Variants in ZNF667 observed in about 807,000 individuals in gnomAD.
The protein encoded by ZNF667 is myocardial ischemic preconditioning upregulated 1 ortholog.
ZNF667 carries 13 observed loss-of-function variants against 31.8 expected under a neutral mutation model. The observed-to-expected ratio is 0.41, with a 90% CI of 0.27 to 0.65. The LOEUF (loss-of-function observed/expected upper bound fraction) is 0.65, where lower values mean the gene tolerates loss of function less well. Ranked by LOEUF, ZNF667 falls within the 30% of genes least tolerant of loss-of-function variation. The pLI is 0.32. For synonymous variants in ZNF667, 228 were observed against 247.1 expected, an observed-to-expected ratio of 0.92 and a Z score of 0.73; for missense variants, 642 against 725.6, an observed-to-expected ratio of 0.88 and a Z score of 1.32.
At chr19:56,462,527 GC>G (rs1192725167) in intron 3 of ZNF667, 98 bp from the exon 4 acceptor site, 1 of 764,188 alleles carries the variant, frequency 1.3e-6, no homozygotes, top group Non-Finnish European at 2.3e-6. Context: ...GCACACATAT[GC>G]ACGTGCACAC....
intron 4 of ZNF667, 53 bp from the exon 5 acceptor site, chr19:56,460,868 C>T: frequency 6.6e-7 from 1 of 1,515,032 alleles, no homozygotes; most frequent in Admixed American, 2.1e-5. Flanking sequence ...TTCCACATGG[C>T]TGGAGGAAAT....
chr19:56,459,703 T>C (rs2043004375), intron 5 of ZNF667, among the ~76,000 whole-genome samples: 1 of 145,342 alleles, frequency 6.9e-6, no homozygotes, highest in African/African-American at 2.5e-5. Flanking sequence ...TTAAATTCTA[T>C]CAAAAGAGGG....
upstream of ZNF667, chr19:56,477,574 C>A (rs1363183318): frequency 6.5e-6 from 1 of 152,718 alleles, no homozygotes; most frequent in African/African-American, 2.4e-5. Context: ...TGCGCACACC[C>A]CCGAGGCTGG....
rs1172689760 is a variant in ZNF667 at position 56,441,939 on chromosome 19, G to C, written c.1056C>G (p.His352Gln). The C allele has an allele frequency of 6.2e-7, 1 of 1,614,128 alleles. No homozygotes were observed. Among genetic ancestry groups the C allele is most frequent in the South Asian group, 1.1e-5 (1 of 91,072 alleles). Residue 352 changes from histidine (H) to glutamine (Q), a missense_variant, in exon 7 of 7, where the codon CAC becomes CAG. Transcript: ENST00000504904. The surrounding 1 kb of genome is among the most constrained non-coding windows in gnomAD (Gnocchi z 4.2). Reference protein sequence around the residue: ...ISPLMLHQRIHTSEKPYKCDK... With the variant: ...ISPLMLHQRIQTSEKPYKCDK... ...CACATTTGTACGGTTTCTCTGAAGT[G>C]TGAATTCTCTGGTGAAGCATCAGGG...
chr19:56,464,255 A>C (rs770394438), intron 3 of ZNF667, among the ~76,000 whole-genome samples: 5 of 152,256 alleles, frequency 3.3e-5, no homozygotes, highest in African/African-American at 1.2e-4. Context: ...CAATGCTTTG[A>C]GGCTGATGCA....
chr19:56,473,571 A>G (rs568289050), intron 2 of ZNF667, among the ~76,000 whole-genome samples: 175 of 152,330 alleles, frequency 1.1e-3, no homozygotes, highest in African/African-American at 4.0e-3. Flanking sequence ...CCCCTATGGG[A>G]AAACTGCAAT....
rs1349298696 is a variant in ZNF667 at position 56,442,415 on chromosome 19, G to C, written c.580C>G (p.His194Asp). 1 of 1,613,982 alleles carries C rather than the reference G, an allele frequency of 6.2e-7. No individual in the cohort carries two copies. Among genetic ancestry groups the C allele is most frequent in the African/African-American group, 1.3e-5 (1 of 74,928 alleles). ...CATTCATGGCTTTTCTTTCCACTGTGAATTCTCTGATGAAGTAGGATGGAT... is the reference window on the plus strand; with the variant it reads ...CATTCATGGCTTTTCTTTCCACTGTCAATTCTCTGATGAAGTAGGATGGAT... The part of the protein sequence containing the change: ...ISSILLHQRI[H>D]SGKKSHECNK... Residue 194 changes from histidine (H) to aspartate (D), a missense_variant, in exon 7 of 7, where the codon CAC (histidine) becomes GAC (aspartate). His to Asp is a moderately conservative substitution (Grantham distance 81). Transcript: ENST00000504904.
chr19:56,468,756 A>C (rs2043220854), intron 3 of ZNF667: 1 of 152,256 alleles, frequency 6.6e-6, no homozygotes, highest in Non-Finnish European at 1.5e-5. Flanking sequence ...TTATTTCTCA[A>C]TAGCACAATC....
In ZNF667 at chr19:56,460,805, G is replaced by A. The variant is rs2043030096; in HGVS notation, c.44C>T (p.Thr15Ile). Residue 15 changes from threonine to isoleucine, a missense_variant, in exon 5 of 7, where the codon ACA becomes ATA. By Grantham distance (89) the Thr-to-Ile change is moderately conservative. Transcript: ENST00000504904. ...RGKSKSKAPITFGDLAIYFSQ... is the reference protein window; with the variant it reads ...RGKSKSKAPIIFGDLAIYFSQ... ...GAAGTAGATGGCTAAGTCCCCAAAT[G>A]TTATAGGTGCCTGAAATGAAAAATC... 4 of 1,594,430 alleles carry A rather than the reference G, an allele frequency of 2.5e-6. No individual in the cohort carries two copies. The East Asian group carries it at 9.1e-5, about 36-fold the overall frequency.
chr19:56,453,246 A>C (rs1050361504), intron 6 of ZNF667, among the ~76,000 whole-genome samples: 1 of 152,156 alleles, frequency 6.6e-6, no homozygotes, highest in Non-Finnish European at 1.5e-5. Context: ...CCCAGCAAAG[A>C]AACACCCAGG....
chr19:56,476,177 G>C (rs994991068), intron 1 of ZNF667, among the ~76,000 whole-genome samples: 3 of 152,126 alleles, frequency 2.0e-5, no homozygotes, highest in Admixed American at 2.0e-4. Flanking sequence ...GTGAAACCAG[G>C]AGTCAACACC....
intron 6 of ZNF667, among the ~76,000 whole-genome samples, chr19:56,455,012 GC>G (rs2042903739): frequency 6.6e-6 from 1 of 152,050 alleles, no homozygotes; most frequent in African/African-American, 2.4e-5. Flanking sequence ...TAAAAAATGG[GC>G]AAAAGATCTG....
At position 56,442,256 on chromosome 19, in the gene ZNF667, G is replaced by T. The variant is rs750443644; in HGVS notation, c.739C>A (p.His247Asn). 4.3e-6 allele frequency: 7 copies of T among 1,614,000 alleles called. No individual in the cohort carries two copies. Among genetic ancestry groups the T allele is most frequent in the Non-Finnish European group, 5.9e-6 (7 of 1,180,018 alleles). Reference sequence around the variant, plus strand: ...CACTGGCAGACATTCCCAACAACATGAATTTTCTGATGTATATTGAAAGAC... The same window carrying T: ...CACTGGCAGACATTCCCAACAACATTAATTTTCTGATGTATATTGAAAGAC... ...CQSFNIHQKI[H>N]VVGNVCQCRK... Residue 247 changes from histidine (H) to asparagine (N), a missense_variant, in exon 7 of 7, where the codon CAT becomes AAT. Transcript: ENST00000504904.
intron 3 of ZNF667, chr19:56,470,111 C>T: frequency 2.3e-6 from 1 of 442,670 alleles, no homozygotes. Flanking sequence ...TCTTTACCTC[C>T]CTCCTTTACA....
chr19:56,458,877 G>A (rs2042988227), intron 5 of ZNF667, among the ~76,000 whole-genome samples: 1 of 152,196 alleles, frequency 6.6e-6, no homozygotes, highest in Non-Finnish European at 1.5e-5. Context: ...GCCTCCCTGA[G>A]TTCTGAAAGC....
At chr19:56,448,970 A>G (rs2042762894) in intron 6 of ZNF667, among the ~76,000 whole-genome samples, 1 of 152,178 alleles carries the variant, frequency 6.6e-6, no homozygotes, top group African/African-American at 2.4e-5. Context: ...AGAGACAGAG[A>G]GACTCCATTC....
At chr19:56,475,991 C>T (rs981989388) in intron 1 of ZNF667, 2 of 152,228 alleles carry the variant, frequency 1.3e-5, no homozygotes, top group Non-Finnish European at 2.9e-5. Context: ...TGTGGGACGC[C>T]TGCGGTTATT....
upstream of ZNF667, chr19:56,477,940 G>A (rs962038761): frequency 2.0e-5 from 3 of 152,550 alleles, no homozygotes; most frequent in African/African-American, 7.2e-5. Context: ...AGAAGGCTTG[G>A]GCTGCGCTGG....
chr19:56,460,702 G>T lies in ZNF667; in HGVS notation c.147C>A (p.Asn49Lys). The T allele has an allele frequency of 6.2e-7, 1 of 1,612,016 alleles. No individual in the cohort carries two copies. The highest frequency in any genetic ancestry group is 1.1e-5 in the South Asian group (1 of 90,676). ...YEDVMLENYRNLVSLGLSFRR... is the reference protein window; with the variant it reads ...YEDVMLENYRKLVSLGLSFRR... Reference sequence around the variant, plus strand: ...GAAGAGCCTTACCAAGCGAGACCAGGTTCCGGTAATTCTCCAACATGACAT... The same window carrying T: ...GAAGAGCCTTACCAAGCGAGACCAGTTTCCGGTAATTCTCCAACATGACAT... The change falls in exon 5 of 7, where the codon AAC (asparagine) becomes AAA (lysine). Residue 49 changes from asparagine (N) to lysine (K), a missense_variant. Transcript: ENST00000504904.
Sources: allele counts gnomAD v4.1 joint callset (sites outside exome capture counted in the v4.1 genomes callset), GRCh38; gene constraint gnomAD v4.1.1; non-coding constraint Gnocchi (gnomAD v3.1); transcripts MANE v1.5; gene names NCBI Gene and HGNC (gene_info 2026-07-23, HGNC 2026-07-21).